MACROD2: variants seen among roughly 807,000 people sequenced by gnomAD.
The protein encoded by MACROD2 is mono-ADP ribosylhydrolase 2, also known as ADP-ribose glycohydrolase MACROD2.
A neutral mutation model predicts 70.4 loss-of-function variants in MACROD2; 36 were observed. That is an observed-to-expected ratio of 0.51 (90% CI 0.39 to 0.68). The LOEUF (loss-of-function observed/expected upper bound fraction) is 0.68, where lower values mean the gene tolerates loss of function less well. MACROD2 is among the 30% of genes least tolerant of loss of function. The probability of loss-of-function intolerance (pLI) is 0.00; values close to 1 mark genes in which losing one functional copy is unlikely to be tolerated. For synonymous variants in MACROD2, 172 were observed against 178.8 expected (o/e 0.96, Z 0.30); for missense variants, 496 against 538.4 (o/e 0.92, Z 0.78).
intron 3 of MACROD2, among the ~76,000 whole-genome samples, chr20:14,299,119 A>G (rs936828237): frequency 4.6e-5 from 7 of 152,318 alleles, no homozygotes; most frequent in Admixed American, 2.0e-4. Context: ...ACAGCATCAC[A>G]TACTACAGAG....
At chr20:15,447,796 C>A (rs1025420767) in intron 7 of MACROD2, among the ~76,000 whole-genome samples, 7 of 152,280 alleles carry the variant, frequency 4.6e-5, no homozygotes, top group African/African-American at 1.7e-4. Flanking sequence ...GTTTTGTGTT[C>A]TGCCGCAGGG....
intron 5 of MACROD2, among the ~76,000 whole-genome samples, chr20:15,152,653 A>AG (rs2076279599): frequency 7.4e-6 from 1 of 134,522 alleles, no homozygotes. Flanking sequence ...GACACAGAGA[A>AG]GGGGTTGGGG....
At chr20:15,507,369 C>A (rs1250856096) in intron 8 of MACROD2, among the ~76,000 whole-genome samples, 1 of 133,624 alleles carries the variant, frequency 7.5e-6, no homozygotes. Flanking sequence ...CTTTTTCTTT[C>A]TTTCTCCTTC....
intron 5 of MACROD2, among the ~76,000 whole-genome samples, chr20:14,754,590 C>T (rs1221358757): frequency 6.6e-6 from 1 of 152,020 alleles, no homozygotes; most frequent in Non-Finnish European, 1.5e-5. Flanking sequence ...CTTAGTTATA[C>T]ACGGGGCTAT....
At chr20:14,529,582 C>T (rs1259637739) in intron 4 of MACROD2, among the ~76,000 whole-genome samples, 2 of 152,220 alleles carry the variant, frequency 1.3e-5, no homozygotes, top group African/African-American at 4.8e-5. Context: ...GCTAGAACTG[C>T]ATCTCTTGCC....
intron 12 of MACROD2, among the ~76,000 whole-genome samples, chr20:15,951,698 AACAC>A (rs2065908427): frequency 2.0e-5 from 3 of 152,282 alleles, no homozygotes; most frequent in African/African-American, 7.2e-5. Flanking sequence ...TTTGAGAACA[AACAC>A]AAATATGTGC....
chr20:14,119,946 C>T (rs1023042739), intron 3 of MACROD2, among the ~76,000 whole-genome samples: 4 of 151,994 alleles, frequency 2.6e-5, no homozygotes, highest in African/African-American at 4.8e-5. Context: ...CGGTGGCTCA[C>T]GCCTGTAATC....
intron 4 of MACROD2, among the ~76,000 whole-genome samples, chr20:14,659,540 C>G (rs1158381301): frequency 6.6e-6 from 1 of 152,252 alleles, no homozygotes; most frequent in Middle Eastern, 3.4e-3. Flanking sequence ...GGTGCTGGCT[C>G]TCCAAGATGA....
intron 5 of MACROD2, among the ~76,000 whole-genome samples, chr20:14,940,148 C>CAA (rs57697517): frequency 0.011 from 623 of 54,938 alleles, 33 homozygotes; most frequent in East Asian, 0.049. Flanking sequence ...CTCATCTCTG[C>CAA]AAAAAAAAAA....
intron 5 of MACROD2, among the ~76,000 whole-genome samples, chr20:15,046,810 G>A (rs1337378923): frequency 6.6e-6 from 1 of 152,178 alleles, no homozygotes; most frequent in Non-Finnish European, 1.5e-5. Context: ...AAATTACTCA[G>A]TTGTAGCTAT....
intron 4 of MACROD2, among the ~76,000 whole-genome samples, chr20:14,590,387 G>A (rs946228626): frequency 2.0e-5 from 3 of 152,116 alleles, no homozygotes; most frequent in African/African-American, 7.2e-5. Flanking sequence ...TTCAGCCTGG[G>A]TTTAGAGGTT....
Position 14,831,780 on chromosome 20 carries a change from CAAAAAAAAAAAAAAAA to C in MACROD2, c.418+146833_418+146848del, listed in dbSNP as rs71190151. 1.6e-4 allele frequency among the ~76,000 whole-genome samples: 6 copies of C among 37,182 alleles called. No homozygotes were observed. The South Asian group carries it at 0.012, about 72-fold the overall frequency. The allele number at this position is 37,182 out of a possible 152,430, so 24.4% of individuals were successfully genotyped here. ...GGGTGACAAGAGTGAAACTCCGTCT[CAAAAAAAAAAAAAAAA>C]AAAAAAAAAAAGCAACAACACAAGA... On this transcript the variant is annotated intron_variant, in intron 5 of 17. Coordinates refer to ENST00000684519, the MANE Select transcript of MACROD2 (RefSeq NM_001351661.2).
intron 5 of MACROD2, among the ~76,000 whole-genome samples, chr20:15,084,640 TCTTA>T (rs1431371751): frequency 6.6e-6 from 1 of 152,222 alleles, no homozygotes; most frequent in Non-Finnish European, 1.5e-5. Context: ...CTATGATTTT[TCTTA>T]CTTTGTTTGT....
At chr20:15,378,483 T>C (rs1442502062) in intron 6 of MACROD2, among the ~76,000 whole-genome samples, 1 of 152,110 alleles carries the variant, frequency 6.6e-6, no homozygotes, top group African/African-American at 2.4e-5. Context: ...GGAGTTAAGA[T>C]ACTGACGATT....
chr20:15,626,884 CTG>C (rs2049211186), intron 8 of MACROD2, among the ~76,000 whole-genome samples: 1 of 151,188 alleles, frequency 6.6e-6, no homozygotes, highest in Non-Finnish European at 1.5e-5. Context: ...TTGCAAATGA[CTG>C]TAATATGTGG....
At chr20:14,667,191 A>G (rs545782101) in intron 4 of MACROD2, among the ~76,000 whole-genome samples, 3 of 152,042 alleles carry the variant, frequency 2.0e-5, no homozygotes, top group Non-Finnish European at 2.9e-5. Flanking sequence ...ATCTCTTGTG[A>G]TCATTCATTC....
At chr20:15,235,100 A>G (rs768699353) in intron 6 of MACROD2, among the ~76,000 whole-genome samples, 8 of 152,212 alleles carry the variant, frequency 5.3e-5, no homozygotes, top group Non-Finnish European at 7.3e-5. Flanking sequence ...TGAGAAAACT[A>G]TTTTCACTGA....
intron 5 of MACROD2, among the ~76,000 whole-genome samples, chr20:14,973,297 T>C (rs2074708888): frequency 6.7e-6 from 1 of 148,260 alleles, no homozygotes; most frequent in Non-Finnish European, 1.5e-5. Context: ...AGTGGTGCGA[T>C]CTTGGTTCAC....
chr20:15,293,384 T>A (rs2077558379), intron 6 of MACROD2, among the ~76,000 whole-genome samples: 1 of 152,258 alleles, frequency 6.6e-6, no homozygotes, highest in Non-Finnish European at 1.5e-5. Flanking sequence ...ACTGCTTAAA[T>A]ATAGAGTTTT....
Sources: gnomAD v4.1 joint callset for allele counts (sites outside exome capture counted in the v4.1 genomes callset) on GRCh38, gnomAD v4.1.1 for gene constraint, MANE v1.5 for transcripts, NCBI Gene and HGNC (gene_info 2026-07-23, HGNC 2026-07-21) for gene names.